Variants in ABI3BP observed in about 807,000 individuals in gnomAD.
ABI3BP encodes target of Nesh-SH3.
In ABI3BP, 216 loss-of-function variants were observed where a neutral mutation model predicts 268.6. The observed-to-expected ratio is 0.80, with a 90% confidence interval of 0.72 to 0.90. The LOEUF (loss-of-function observed/expected upper bound fraction) is 0.90, where lower values mean the gene tolerates loss of function less well. Ranked by LOEUF, ABI3BP falls within the 40% of genes least tolerant of loss-of-function variation. The pLI is 0.00. For missense variants in ABI3BP, 2,090 were observed against 2,182.4 expected (o/e 0.96, Z 0.84); for synonymous variants, 730 against 730.0 (o/e 1.00, Z 0.00).
chr3:100,797,707 C>T (rs2097391418), intron 51 of ABI3BP, among the ~76,000 whole-genome samples: 1 of 151,756 alleles, frequency 6.6e-6, no homozygotes, highest in East Asian at 1.9e-4. Context: ...TTAGACTAGG[C>T]TGCTAAGTAT....
chr3:100,942,865 A>T (rs1305255316), intron 1 of ABI3BP, among the ~76,000 whole-genome samples: 1 of 152,192 alleles, frequency 6.6e-6, no homozygotes, highest in Admixed American at 6.6e-5. Context: ...TGCATCGACA[A>T]TAAAATTAAT....
intron 54 of ABI3BP, among the ~76,000 whole-genome samples, chr3:100,793,970 C>T (rs2097267572): frequency 6.6e-6 from 1 of 151,988 alleles, no homozygotes; most frequent in Admixed American, 6.6e-5. Context: ...CCAACTTACC[C>T]ATCCTTGTTT....
intron 4 of ABI3BP, among the ~76,000 whole-genome samples, chr3:100,891,715 G>T (rs1175793253): frequency 1.3e-5 from 2 of 152,168 alleles, no homozygotes; most frequent in Admixed American, 1.3e-4. Flanking sequence ...TGAATAGACT[G>T]GCTAGATGAT....
chr3:100,820,092 CAGT>C lies in ABI3BP; in HGVS notation c.3031+125_3031+127del, dbSNP rs1475967065. 6 of 740,766 alleles carry C rather than the reference CAGT, an allele frequency of 8.1e-6. No individual in the cohort carries two copies. The East Asian group carries it at 1.6e-4, about 20-fold the overall frequency. 45.9% of individuals were successfully genotyped at this position (740,766 alleles called of 1,614,324 possible). On this transcript the variant is annotated intron_variant, in intron 40 of 67. Coordinates refer to ENST00000471714, the MANE Select transcript of ABI3BP (RefSeq NM_001375547.2). Reference sequence around the variant, plus strand: ...TCCTTTGCTAACTCAACAGGGGGAGCAGTAGCACATCTTTTGTGCCTTCATCCA... The same window carrying C: ...TCCTTTGCTAACTCAACAGGGGGAGCAGCACATCTTTTGTGCCTTCATCCA...
Position 100,898,898 on chromosome 3 carries a change from T to C in ABI3BP, c.329-4A>G. 6.2e-7 allele frequency: 1 copy of C among 1,608,242 alleles called. No individual in the cohort carries two copies. The highest frequency in any genetic ancestry group is 8.5e-7 in the Non-Finnish European group (1 of 1,177,722). On this transcript the variant is annotated splice_region_variant and splice_polypyrimidine_tract_variant and intron_variant, in intron 3 of 67. Transcript: ENST00000471714. ...GGTTTGCGAGAACGAGTTTTACCTGTGGAGGTGGCATAGAGGTTAATAATT... is the reference window on the plus strand; with the variant it reads ...GGTTTGCGAGAACGAGTTTTACCTGCGGAGGTGGCATAGAGGTTAATAATT...
chr3:100,926,173 G>A, intron 2 of ABI3BP, 129 bp downstream of exon 2: 1 of 932,938 alleles, frequency 1.1e-6, no homozygotes, highest in South Asian at 2.0e-5. Flanking sequence ...AAGATGTCTT[G>A]TAATTCTACC....
rs1008758369 is a variant in ABI3BP, at chr3:100,822,615, C to G, written c.2861G>C (p.Arg954Pro). 3 of 1,536,378 alleles carry G rather than the reference C, an allele frequency of 2.0e-6. No homozygotes were observed. Among genetic ancestry groups the G allele is most frequent in the Non-Finnish European group, 2.6e-6 (3 of 1,146,950 alleles). The change falls in exon 38 of 68, where the codon CGT becomes CCT. Residue 954 changes from arginine to proline, a missense_variant. Physicochemically the swap from Arg to Pro is moderately radical, Grantham distance 103. Coordinates refer to ENST00000471714, the MANE Select transcript of ABI3BP (RefSeq NM_001375547.2). ...TGGTTTGGATTCAGGTGCTTCAGGACGTGGTGTGGTTTTTGTTCTGAGACG... is the reference window on the plus strand; with the variant it reads ...TGGTTTGGATTCAGGTGCTTCAGGAGGTGGTGTGGTTTTTGTTCTGAGACG... ...RPRLRTKTTP[R>P]PEAPESKPVP... is the part of the protein sequence containing the mutation.
intron 64 of ABI3BP, among the ~76,000 whole-genome samples, chr3:100,754,294 A>G (rs2095501547): frequency 6.6e-6 from 1 of 152,212 alleles, no homozygotes; most frequent in South Asian, 2.1e-4. Context: ...AGCTGTTATT[A>G]AACTATCATG....
intron 2 of ABI3BP, among the ~76,000 whole-genome samples, chr3:100,909,078 G>A (rs1247870253): frequency 6.6e-6 from 1 of 152,118 alleles, no homozygotes; most frequent in Non-Finnish European, 1.5e-5. Context: ...CAATGAAACA[G>A]AACAGAGGCC....
At chr3:100,926,904 C>G (rs937003210) in intron 1 of ABI3BP, among the ~76,000 whole-genome samples, 19 of 151,990 alleles carry the variant, frequency 1.3e-4, no homozygotes, top group African/African-American at 4.3e-4. Context: ...TAGTCATTGA[C>G]AGAGTTGGAA....
chr3:100,962,490 C>A (rs1271426077), intron 1 of ABI3BP, among the ~76,000 whole-genome samples: 1 of 152,162 alleles, frequency 6.6e-6, no homozygotes, highest in Admixed American at 6.5e-5. Flanking sequence ...CCTCATCTGA[C>A]CTTACATTCT....
intron 1 of ABI3BP, among the ~76,000 whole-genome samples, chr3:100,991,113 A>G (rs954332361): frequency 2.0e-5 from 3 of 150,884 alleles, no homozygotes; most frequent in African/African-American, 7.5e-5. Context: ...TCTCTATAAC[A>G]GGACCCTGAT....
chr3:100,964,678 A>G (rs1183261391), intron 1 of ABI3BP, among the ~76,000 whole-genome samples: 10 of 152,206 alleles, frequency 6.6e-5, no homozygotes, highest in Admixed American at 6.5e-4. Context: ...TCACTTCAGT[A>G]TTTCTAATGC....
At chr3:100,951,951 A>G (rs1189271186) in intron 1 of ABI3BP, among the ~76,000 whole-genome samples, 4 of 150,082 alleles carry the variant, frequency 2.7e-5, no homozygotes, top group Non-Finnish European at 5.9e-5. Context: ...ATGAGTTGTA[A>G]ATAAGTCAAT....
At chr3:100,849,412 T>C (rs140785860) in intron 17 of ABI3BP, among the ~76,000 whole-genome samples, 1,781 of 152,070 alleles carry the variant, frequency 0.012, 27 homozygotes, top group African/African-American at 0.04. Context: ...TGACTAGAGA[T>C]GGGATTTCAC....
At position 100,756,090 on chromosome 3, in the gene ABI3BP, A is replaced by G. The variant is rs149997224; in HGVS notation, c.4851-1399T>C. 3.4e-3 allele frequency among the ~76,000 whole-genome samples: 524 copies of G among 152,362 alleles called. 5 individuals are homozygous for G. The highest frequency in any genetic ancestry group is 6.8e-3 in the Middle Eastern group (2 of 294). ...GGCAACCATTTTCTGAATGCTTACT[A>G]TGTATCAGATGCATTAGACATTCTA... is the stretch of plus-strand genomic sequence containing the variant. On this transcript the variant is annotated intron_variant, in intron 63 of 67. Coordinates refer to ENST00000471714, the MANE Select transcript of ABI3BP (RefSeq NM_001375547.2).
chr3:100,927,786 T>C (rs2062286709), intron 1 of ABI3BP, among the ~76,000 whole-genome samples: 1 of 152,102 alleles, frequency 6.6e-6, no homozygotes, highest in African/African-American at 2.4e-5. Flanking sequence ...CAACATGAGA[T>C]TTGAATGGGG....
Position 100,926,348 on chromosome 3 carries a change from C to T in ABI3BP, c.213G>A (p.Gln71=). 1 of 1,613,482 alleles carries T rather than the reference C, an allele frequency of 6.2e-7. No homozygotes were observed. Among genetic ancestry groups the T allele is most frequent in the Non-Finnish European group, 8.5e-7 (1 of 1,179,616 alleles). ...TCCCTTCAGCGGGAAGAGGGAAGTA[C>T]TGGTTTGGTGATACATTGCTGCCAT... ...LGYGSNVSPN[Q]YFPLPAEGKF... is the part of the protein sequence containing the mutation. Residue 71 remains glutamine (Q), a synonymous_variant, in exon 2 of 68, where the codon CAG becomes CAA. Coordinates refer to ENST00000471714, the MANE Select transcript of ABI3BP (RefSeq NM_001375547.2).
chr3:100,919,429 G>T (rs918088583), intron 2 of ABI3BP, among the ~76,000 whole-genome samples: 1 of 151,916 alleles, frequency 6.6e-6, no homozygotes, highest in Non-Finnish European at 1.5e-5. Flanking sequence ...GAAAAATTGT[G>T]CATTTCCTCT....
Sources: gnomAD v4.1 joint callset for allele counts (sites outside exome capture counted in the v4.1 genomes callset) on GRCh38, gnomAD v4.1.1 for gene constraint, MANE v1.5 for transcripts, NCBI Gene and HGNC (gene_info 2026-07-23, HGNC 2026-07-21) for gene names.